The following DLG2 variants were observed in gnomAD, a reference collection of about 807,000 sequenced individuals.
DLG2 encodes the protein discs large MAGUK scaffold protein 2, also known as disks large homolog 2.
DLG2 carries 45 observed loss-of-function variants against 132.5 expected under a neutral mutation model. The ratio of observed to expected loss-of-function variants is 0.34; its 90% CI spans 0.27 to 0.44. The LOEUF (loss-of-function observed/expected upper bound fraction) is 0.44, where lower values mean the gene tolerates loss of function less well. Ranked by LOEUF, DLG2 falls within the 20% of genes least tolerant of loss-of-function variation. The pLI is 1.00. For missense variants in DLG2, 1,045 were observed against 1,196.9 expected (o/e 0.87, Z 1.87); for synonymous variants, 424 against 419.6 (o/e 1.01, Z -0.13).
At chr11:84,183,720 C>T (rs991271495) in intron 8 of DLG2, among the ~76,000 whole-genome samples, 1 of 151,968 alleles carries the variant, frequency 6.6e-6, no homozygotes, top group African/African-American at 2.4e-5. Context: ...TGCTATCCCT[C>T]CCCACTCCCC....
At chr11:85,348,386 C>T (rs1289249263) in intron 3 of DLG2, among the ~76,000 whole-genome samples, 1 of 151,686 alleles carries the variant, frequency 6.6e-6, no homozygotes, top group Non-Finnish European at 1.5e-5. Flanking sequence ...CCAAGCCCAG[C>T]TAATTTTTGT....
At chr11:84,128,503 C>A (rs1396277274) in intron 9 of DLG2, among the ~76,000 whole-genome samples, 1 of 152,118 alleles carries the variant, frequency 6.6e-6, no homozygotes, top group African/African-American at 2.4e-5. Context: ...TAGGAGCCTA[C>A]TTGTCCCAAA....
At chr11:84,193,424 C>T (rs1023681822) in intron 8 of DLG2, among the ~76,000 whole-genome samples, 9 of 152,138 alleles carry the variant, frequency 5.9e-5, no homozygotes, top group Middle Eastern at 3.4e-3. Flanking sequence ...ACTCTGGACC[C>T]GACAGTAAGG....
At chr11:84,207,914 C>A in intron 8 of DLG2, among the ~76,000 whole-genome samples, 1 of 151,994 alleles carries the variant, frequency 6.6e-6, no homozygotes, top group East Asian at 1.9e-4. Flanking sequence ...AAACAATTTT[C>A]ATAAATAAAT....
chr11:85,334,245 A>AT (rs1355243343), intron 3 of DLG2, among the ~76,000 whole-genome samples: 3 of 151,902 alleles, frequency 2.0e-5, no homozygotes, highest in Non-Finnish European at 2.9e-5. Flanking sequence ...GTTTCTGAGG[A>AT]TTTTTTGTAT....
intron 7 of DLG2, among the ~76,000 whole-genome samples, chr11:84,409,989 G>T (rs2098890577): frequency 6.6e-6 from 1 of 152,108 alleles, no homozygotes; most frequent in Admixed American, 6.5e-5. Flanking sequence ...TCAATGTAAT[G>T]TCATCCTTTT....
intron 15 of DLG2, among the ~76,000 whole-genome samples, chr11:83,928,477 T>C (rs1391470591): frequency 1.3e-5 from 2 of 150,448 alleles, no homozygotes; most frequent in Non-Finnish European, 3.0e-5. Context: ...TTTACATTCA[T>C]AAAAAAGGAA....
At position 83,843,566 on chromosome 11, in the gene DLG2, G is replaced by A. The variant is rs143691084; in HGVS notation, c.1566-9796C>T. Among the ~76,000 whole-genome samples the A allele has an allele frequency of 1.0e-2, 1,516 of 152,154 alleles. 25 individuals are homozygous for A. The highest frequency in any genetic ancestry group is 0.034 in the African/African-American group (1,415 of 41,490). Reference sequence around the variant, plus strand: ...TTGTGTAATTTTGGAAGCGGGTACAGGCTGAGCATATAAGAGACATACAAA... The same window carrying A: ...TTGTGTAATTTTGGAAGCGGGTACAAGCTGAGCATATAAGAGACATACAAA... On this transcript the variant is annotated intron_variant, in intron 16 of 27. Transcript: ENST00000376104.
intron 19 of DLG2, among the ~76,000 whole-genome samples, chr11:83,576,278 G>T (rs2096872274): frequency 6.6e-6 from 1 of 152,104 alleles, no homozygotes; most frequent in African/African-American, 2.4e-5. Flanking sequence ...CCAACTGTGA[G>T]ACACCCTCAA....
intron 19 of DLG2, among the ~76,000 whole-genome samples, chr11:83,582,110 T>C (rs1314909690): frequency 2.0e-5 from 3 of 151,876 alleles, no homozygotes; most frequent in Middle Eastern, 3.2e-3. Context: ...GCAAGCGCCA[T>C]CACACCCGGC....
In DLG2 at chr11:83,629,918, T is replaced by C. The variant is rs182073717; in HGVS notation, c.1940+3293A>G. On this transcript the variant is annotated intron_variant, in intron 19 of 27. Transcript: ENST00000376104. ...TTTATTTACTTTTAAATGAACTACA[T>C]GTTTCACAATGCTTTACTGCTATAT... Among the ~76,000 whole-genome samples the C allele has an allele frequency of 7.9e-5, 12 of 152,320 alleles. No homozygotes were observed. In the East Asian group the frequency reaches 2.3e-3, roughly 29 times the overall value.
intron 7 of DLG2, among the ~76,000 whole-genome samples, chr11:84,522,924 A>G (rs2099308940): frequency 6.6e-6 from 1 of 152,212 alleles, no homozygotes. Flanking sequence ...ATGCTTTAGT[A>G]AATTCTTGTT....
intron 7 of DLG2, among the ~76,000 whole-genome samples, chr11:84,501,512 G>A (rs750929038): frequency 1.3e-5 from 2 of 152,198 alleles, no homozygotes; most frequent in Non-Finnish European, 2.9e-5. Flanking sequence ...GGTGGAGTGA[G>A]CTGAGATCGT....
intron 7 of DLG2, among the ~76,000 whole-genome samples, chr11:84,336,661 A>G (rs1388740720): frequency 6.6e-6 from 1 of 152,158 alleles, no homozygotes; most frequent in African/African-American, 2.4e-5. Context: ...CTAAGCCACA[A>G]GCCAGCAACC....
intron 6 of DLG2, among the ~76,000 whole-genome samples, chr11:84,928,216 A>G (rs2047634851): frequency 1.3e-5 from 2 of 151,992 alleles, no homozygotes; most frequent in Admixed American, 1.3e-4. Context: ...CTGATAATTT[A>G]GAATCCTTTC....
chr11:84,884,367 C>T (rs1041265175), intron 6 of DLG2, among the ~76,000 whole-genome samples: 9 of 151,828 alleles, frequency 5.9e-5, no homozygotes, highest in Non-Finnish European at 1.3e-4. Flanking sequence ...CTCTAAGTAA[C>T]CACTAAATTC....
intron 18 of DLG2, among the ~76,000 whole-genome samples, chr11:83,704,378 G>A (rs1005463033): frequency 6.6e-6 from 1 of 152,062 alleles, no homozygotes; most frequent in Admixed American, 6.6e-5. Context: ...ACAGAAACCA[G>A]TGGTTGCCTC....
At chr11:85,070,292 T>TA (rs2065641671) in intron 6 of DLG2, among the ~76,000 whole-genome samples, 1 of 138,334 alleles carries the variant, frequency 7.2e-6, no homozygotes, top group African/African-American at 2.9e-5. Context: ...CCCTAGAACT[T>TA]AAAGTATAAT....
intron 6 of DLG2, among the ~76,000 whole-genome samples, chr11:85,022,833 T>C (rs973150201): frequency 6.6e-6 from 1 of 152,114 alleles, no homozygotes; most frequent in Non-Finnish European, 1.5e-5. Context: ...ATGCATACCA[T>C]TTACCTTATT....
Sources: gnomAD v4.1 joint callset for allele counts (sites outside exome capture counted in the v4.1 genomes callset) on GRCh38, gnomAD v4.1.1 for gene constraint, MANE v1.5 for transcripts, NCBI Gene and HGNC (gene_info 2026-07-23, HGNC 2026-07-21) for gene names.